CSMD2: variants seen among roughly 807,000 people sequenced by gnomAD.
CSMD2 encodes CUB and Sushi multiple domains 2.
A neutral mutation model predicts 398.5 loss-of-function variants in CSMD2; 130 were observed. The ratio of observed to expected loss-of-function variants is 0.33; its 90% CI spans 0.28 to 0.38. The LOEUF (loss-of-function observed/expected upper bound fraction) is 0.38, where lower values mean the gene tolerates loss of function less well. Among genes scored for constraint, CSMD2 ranks in the 10% least tolerant of loss-of-function variants. The probability of loss-of-function intolerance (pLI) is 1.00; values close to 1 mark genes in which losing one functional copy is unlikely to be tolerated. For missense variants in CSMD2, 3,829 were observed against 4,764.9 expected (o/e 0.80, Z 5.78); for synonymous variants, 1,828 against 1,908.5 (o/e 0.96, Z 1.10).
chr1:33,881,935 G>A (rs1641265960), intron 5 of CSMD2, among the ~76,000 whole-genome samples: 2 of 152,100 alleles, frequency 1.3e-5, no homozygotes, highest in South Asian at 4.1e-4. Context: ...AGCCACAGGT[G>A]CCAGTTTATG....
chr1:34,119,687 A>T (rs1251545524), intron 1 of CSMD2, among the ~76,000 whole-genome samples: 1 of 152,222 alleles, frequency 6.6e-6, no homozygotes. Flanking sequence ...ATTACTAACC[A>T]TTAGGGAAAT....
rs10914868 is a variant in CSMD2, at chr1:34,129,794, C to T, written c.187+35117G>A. ...CTCAGTGCTCCCTGCACACACAGAGCATCCGGCAGCACTGCAGGAAGGAAC... is the reference window on the plus strand; with the variant it reads ...CTCAGTGCTCCCTGCACACACAGAGTATCCGGCAGCACTGCAGGAAGGAAC... On this transcript the variant is annotated intron_variant, in intron 1 of 70. Coordinates refer to ENST00000373381, the MANE Select transcript of CSMD2 (RefSeq NM_001281956.2). Among the ~76,000 whole-genome samples, 269 of 152,348 alleles carry T rather than the reference C, an allele frequency of 1.8e-3. 1 individual carries two copies. The highest frequency in any genetic ancestry group is 6.1e-3 in the African/African-American group (253 of 41,586).
intron 1 of CSMD2, among the ~76,000 whole-genome samples, chr1:34,104,653 G>A (rs1660345738): frequency 1.3e-5 from 2 of 152,192 alleles, no homozygotes. Flanking sequence ...CGCTGAAGGT[G>A]TCTCACCTGC....
intron 67 of CSMD2, among the ~76,000 whole-genome samples, chr1:33,521,918 G>C (rs1044426653): frequency 2.0e-5 from 3 of 152,148 alleles, no homozygotes; most frequent in Admixed American, 1.3e-4. Flanking sequence ...TAATTTATAG[G>C]CCTTACATGC....
intron 1 of CSMD2, among the ~76,000 whole-genome samples, chr1:34,147,445 T>C (rs886684871): frequency 4.7e-5 from 7 of 150,016 alleles, no homozygotes; most frequent in Non-Finnish European, 1.0e-4. Flanking sequence ...GTGGCCAGAC[T>C]GTGGAAGGTC....
In CSMD2 at chr1:33,623,934, C is replaced by T. The variant is rs185107892; in HGVS notation, c.5626-468G>A. Among the ~76,000 whole-genome samples the T allele has an allele frequency of 6.8e-3, 1,032 of 152,258 alleles. 9 individuals are homozygous for T. The highest frequency in any genetic ancestry group is 0.011 in the Non-Finnish European group (776 of 68,004). On this transcript the variant is annotated intron_variant, in intron 35 of 70. Transcript: ENST00000373381. ...CTCCTGACCCTCTTCCCTGCCTTGA[C>T]GCCAATGCTGGGGCCTCCCTCTGCC...
At chr1:34,069,324 C>T (rs1655461868) in intron 2 of CSMD2, among the ~76,000 whole-genome samples, 1 of 152,106 alleles carries the variant, frequency 6.6e-6, no homozygotes, top group South Asian at 2.1e-4. Context: ...GCTCTGGTCC[C>T]GTGAGTTCAT....
intron 7 of CSMD2, among the ~76,000 whole-genome samples, chr1:33,821,858 G>A (rs982743864): frequency 2.0e-5 from 3 of 152,162 alleles, no homozygotes; most frequent in Non-Finnish European, 4.4e-5. Flanking sequence ...TGGACCTTCT[G>A]AGCTAATAGG....
chr1:33,879,218 C>T (rs1055248187), intron 5 of CSMD2, among the ~76,000 whole-genome samples: 4 of 152,122 alleles, frequency 2.6e-5, no homozygotes, highest in East Asian at 1.9e-4. Context: ...TTCCACTTGT[C>T]GAGTAGATTC....
chr1:33,963,841 G>A (rs1425684012), intron 3 of CSMD2, among the ~76,000 whole-genome samples: 1 of 152,130 alleles, frequency 6.6e-6, no homozygotes, highest in Non-Finnish European at 1.5e-5. Flanking sequence ...CTAGTTTTCT[G>A]TTCTTACAAA....
intron 5 of CSMD2, among the ~76,000 whole-genome samples, chr1:33,851,569 A>C (rs1638710865): frequency 6.6e-6 from 1 of 152,190 alleles, no homozygotes; most frequent in South Asian, 2.1e-4. Context: ...ACCAGGATAC[A>C]ATCAGAGAAA....
chr1:33,774,356 A>ATGGG (rs1230852241), intron 12 of CSMD2, among the ~76,000 whole-genome samples: 2 of 152,032 alleles, frequency 1.3e-5, no homozygotes, highest in East Asian at 3.9e-4. Flanking sequence ...AGGCTCAGGG[A>ATGGG]TGGGGGAGGG....
rs1644001700 is a variant in CSMD2, at chr1:33,657,936, TG to T, written c.4447+9del. 6.2e-7 allele frequency: 1 copy of T among 1,605,146 alleles called. No individual in the cohort carries two copies. The highest frequency in any genetic ancestry group is 8.5e-7 in the Non-Finnish European group (1 of 1,172,990). The stretch of plus-strand genomic sequence containing the variant: ...CCAAGAGCAGAGTGCACCCTGCAGC[TG>T]CTTTGTACCGATGCATGTTGGCGGG... On this transcript the variant is annotated intron_variant, in intron 27 of 70. Coordinates refer to ENST00000373381, the MANE Select transcript of CSMD2 (RefSeq NM_001281956.2).
chr1:34,069,746 T>A (rs796525071), intron 2 of CSMD2, among the ~76,000 whole-genome samples: 31 of 152,326 alleles, frequency 2.0e-4, no homozygotes, highest in African/African-American at 7.2e-4. Flanking sequence ...CTGCCTGGTC[T>A]CAGAGGTGTG....
chr1:34,074,515 A>T (rs979467339), intron 2 of CSMD2, among the ~76,000 whole-genome samples: 3 of 152,126 alleles, frequency 2.0e-5, no homozygotes, highest in Non-Finnish European at 2.9e-5. Flanking sequence ...TCTTGGCTCG[A>T]AACACTCTCA....
At chr1:34,063,184 C>G (rs1654717676) in intron 2 of CSMD2, among the ~76,000 whole-genome samples, 1 of 152,278 alleles carries the variant, frequency 6.6e-6, no homozygotes, top group South Asian at 2.1e-4. Flanking sequence ...GGTGGGGACA[C>G]AGCCAAACCA....
At chr1:34,085,378 CAATAATAAT>C (rs60890896) in intron 2 of CSMD2, among the ~76,000 whole-genome samples, 16 of 149,294 alleles carry the variant, frequency 1.1e-4, no homozygotes, top group Non-Finnish European at 2.2e-4. Flanking sequence ...CTTAAAAGTA[CAATAATAAT>C]AATAATAATA....
chr1:34,052,759 T>C (rs756635499), intron 2 of CSMD2, among the ~76,000 whole-genome samples: 3 of 152,114 alleles, frequency 2.0e-5, no homozygotes, highest in African/African-American at 7.2e-5. Flanking sequence ...ACACAGTGGA[T>C]GCTCAGTAAA....
At chr1:33,647,181 C>G (rs1442638701) in intron 28 of CSMD2, among the ~76,000 whole-genome samples, 2 of 152,208 alleles carry the variant, frequency 1.3e-5, no homozygotes, top group East Asian at 3.9e-4. Context: ...AAACCCAACT[C>G]TCTTACCTGA....
Sources: allele counts gnomAD v4.1 joint callset (sites outside exome capture counted in the v4.1 genomes callset), GRCh38; gene constraint gnomAD v4.1.1; transcripts MANE v1.5; gene names NCBI Gene and HGNC (gene_info 2026-07-23, HGNC 2026-07-21).